The following IL16 variants were observed in gnomAD, a reference collection of about 807,000 sequenced individuals.
IL16 encodes pro-interleukin-16.
Under a neutral mutation model 110.1 loss-of-function variants are expected in IL16, and 67 were observed. That is an observed-to-expected ratio of 0.61 (90% CI 0.50 to 0.75). The LOEUF is 0.75. Among genes scored for constraint, IL16 ranks in the 30% least tolerant of loss-of-function variants. The pLI is 0.00. For synonymous variants in IL16, 689 were observed against 662.9 expected (o/e 1.04, Z -0.61); for missense variants, 1,545 against 1,655.0 (o/e 0.93, Z 1.15).
At chr15:81,203,299 T>C (rs1320271336) in intron 1 of IL16, among the ~76,000 whole-genome samples, 2 of 152,210 alleles carry the variant, frequency 1.3e-5, no homozygotes, top group Non-Finnish European at 2.9e-5. Flanking sequence ...GTAGTTTCTT[T>C]TGCTGTGCAG....
chr15:81,264,301 C>T (rs1426233882), intron 3 of IL16, among the ~76,000 whole-genome samples: 1 of 152,172 alleles, frequency 6.6e-6, no homozygotes, highest in African/African-American at 2.4e-5. Context: ...AGCAGCTGTT[C>T]TTGCAGGGGC....
chr15:81,297,763 C>T (rs1479234318), intron 13 of IL16, among the ~76,000 whole-genome samples: 21 of 152,260 alleles, frequency 1.4e-4, no homozygotes, highest in Admixed American at 1.0e-3. Flanking sequence ...ATGCTGGCTT[C>T]GTGAGGCCCT....
chr15:81,284,674 C>T lies in IL16; in HGVS notation c.1200-1024C>T, dbSNP rs74679875. ...CAGCAGGGGACACAGGGAAATCAGC[C>T]TCAGGAGGCTAGAGTTCCAATCCTG... On this transcript the variant is annotated intron_variant, in intron 9 of 18. Transcript: ENST00000683961. Among the ~76,000 whole-genome samples, 230 of 152,314 alleles carry T rather than the reference C, an allele frequency of 1.5e-3. No homozygotes were observed. The East Asian group carries it at 0.028, about 18-fold the overall frequency.
chr15:81,227,636 G>A (rs560736694), intron 2 of IL16, among the ~76,000 whole-genome samples: 3 of 152,304 alleles, frequency 2.0e-5, no homozygotes, highest in South Asian at 2.1e-4. Flanking sequence ...TTTATTCTAC[G>A]AAGGATGGGA....
chr15:81,285,400 A>G (rs1899397947), intron 9 of IL16, among the ~76,000 whole-genome samples: 2 of 152,328 alleles, frequency 1.3e-5, no homozygotes, highest in South Asian at 4.1e-4. Context: ...TCAGTCTTTA[A>G]TGGGCATAGT....
At position 81,313,178 on chromosome 15, in the gene IL16, C is replaced by G; in HGVS notation, c.*4380C>G. Reference sequence around the variant, plus strand: ...GAGTGAACACAGGCCTCTGCGTGCTCCCAGGCTCCTTGGTGTCCCAACAGC... The same window carrying G: ...GAGTGAACACAGGCCTCTGCGTGCTGCCAGGCTCCTTGGTGTCCCAACAGC... On this transcript the variant is annotated 3_prime_UTR_variant, in exon 19 of 19. Coordinates refer to ENST00000683961, the MANE Select transcript of IL16 (RefSeq NM_172217.5). The G allele has an allele frequency of 6.9e-7, 1 of 1,445,972 alleles. No individual in the cohort carries two copies. Among genetic ancestry groups the G allele is most frequent in the South Asian group, 1.5e-5 (1 of 65,310 alleles). The allele number at this position is 1,445,972 out of a possible 1,614,324, so 89.6% of individuals were successfully genotyped here. A position where few individuals can be genotyped will look rare whatever the true frequency, so the allele number is the denominator to read the frequency against.
intron 2 of IL16, among the ~76,000 whole-genome samples, chr15:81,243,164 T>TATATATACATATATA (rs60077602): frequency 6.3e-5 from 1 of 15,772 alleles, no homozygotes. Context: ...TATATATATA[T>TATATATACATATATA]TTTTTTTTTT....
intron 2 of IL16, among the ~76,000 whole-genome samples, chr15:81,249,620 C>T (rs141941610): frequency 1.1e-4 from 17 of 152,166 alleles, no homozygotes; most frequent in African/African-American, 4.1e-4. Flanking sequence ...TTAAAATCTT[C>T]TATATGTTTT....
chr15:81,288,661 T>C (rs1223917695), intron 10 of IL16, among the ~76,000 whole-genome samples: 1 of 152,164 alleles, frequency 6.6e-6, no homozygotes, highest in Non-Finnish European at 1.5e-5. Flanking sequence ...TTACTTTCTG[T>C]CTCTGTGATT....
chr15:81,239,843 C>T (rs1897289421), intron 2 of IL16, among the ~76,000 whole-genome samples: 1 of 152,158 alleles, frequency 6.6e-6, no homozygotes, highest in Admixed American at 6.5e-5. Context: ...CAGGCCTCTC[C>T]AGCCTCTAGT....
intron 2 of IL16, among the ~76,000 whole-genome samples, chr15:81,228,424 G>A (rs1404463460): frequency 6.6e-6 from 1 of 151,428 alleles, no homozygotes; most frequent in African/African-American, 2.4e-5. Flanking sequence ...GGGTTCAAGT[G>A]ATTCTCCTGC....
exon 1 of IL16, chr15:81,182,754 A>G: frequency 3.2e-6 from 2 of 616,880 alleles, no homozygotes; most frequent in Non-Finnish European, 5.3e-6. Flanking sequence ...CTCATATTCA[A>G]ATACTCCCAG....
chr15:81,269,624 C>T lies in IL16; in HGVS notation c.651C>T (p.Ile217=), dbSNP rs199588509. Residue 217 remains isoleucine, a synonymous_variant, in exon 5 of 19, where the codon ATC becomes ATT. Coordinates refer to ENST00000683961, the MANE Select transcript of IL16 (RefSeq NM_172217.5). ...TCCAGGCTTCAGTCATCTCCAACAT[C>T]GTGCTGATGAAGGGCCAGGCTAAGG... ...GGLQASVISN[I]VLMKGQAKGL... The T allele has an allele frequency of 5.5e-5, 89 of 1,613,484 alleles. No individual in the cohort carries two copies. Among genetic ancestry groups the T allele is most frequent in the East Asian group, 1.1e-4 (5 of 44,884 alleles).
intron 1 of IL16, among the ~76,000 whole-genome samples, chr15:81,184,595 T>C (rs781350955): frequency 6.6e-6 from 1 of 152,236 alleles, no homozygotes; most frequent in Non-Finnish European, 1.5e-5. Flanking sequence ...GCAACACTTA[T>C]GTCAGCTGTG....
chr15:81,252,721 T>C (rs1897809664), intron 2 of IL16, among the ~76,000 whole-genome samples: 1 of 152,200 alleles, frequency 6.6e-6, no homozygotes, highest in Admixed American at 6.6e-5. Context: ...ATAATATAAA[T>C]AGAATTATAC....
At chr15:81,278,717 A>G in intron 6 of IL16, 100 bp from the exon 7 acceptor site, 1 of 823,978 alleles carries the variant, frequency 1.2e-6, no homozygotes, top group East Asian at 2.5e-5. Flanking sequence ...CGTGCATCAT[A>G]CAAAAAGCCG....
intron 1 of IL16, among the ~76,000 whole-genome samples, chr15:81,208,104 T>G (rs1472614461): frequency 1.3e-5 from 2 of 152,244 alleles, no homozygotes; most frequent in Non-Finnish European, 2.9e-5. Context: ...ATGATTTTTA[T>G]TTGAATTTCT....
intron 2 of IL16, 41 bp downstream of exon 2, chr15:81,225,752 G>A: frequency 6.8e-7 from 1 of 1,471,790 alleles, no homozygotes. Flanking sequence ...CCTGCAGTTG[G>A]TTTCTGGTGC....
At chr15:81,202,155 C>G (rs959135410) in intron 1 of IL16, among the ~76,000 whole-genome samples, 1 of 152,210 alleles carries the variant, frequency 6.6e-6, no homozygotes, top group Non-Finnish European at 1.5e-5. Flanking sequence ...ATTTACTGAG[C>G]AATTGATAGA....
Sources: allele counts gnomAD v4.1 joint callset (sites outside exome capture counted in the v4.1 genomes callset), GRCh38; gene constraint gnomAD v4.1.1; transcripts MANE v1.5; gene names NCBI Gene and HGNC (gene_info 2026-07-23, HGNC 2026-07-21).